The following ZNF366 variants were observed in gnomAD, a reference collection of about 807,000 sequenced individuals.
ZNF366 encodes the protein zinc finger protein 366.
ZNF366 carries 20 observed loss-of-function variants against 47.2 expected under a neutral mutation model. That is an observed-to-expected ratio of 0.42 (90% CI 0.30 to 0.62). The LOEUF (loss-of-function observed/expected upper bound fraction) is 0.62, where lower values mean the gene tolerates loss of function less well. Ranked by LOEUF, ZNF366 falls within the 20% of genes least tolerant of loss-of-function variation. The pLI is 0.16. For missense variants in ZNF366, 987 were observed against 976.3 expected, an observed-to-expected ratio of 1.01 and a Z score of -0.15; for synonymous variants, 421 against 395.1, an observed-to-expected ratio of 1.07 and a Z score of -0.78.
At chr5:72,452,101 T>C (rs868227712) in intron 3 of ZNF366, among the ~76,000 whole-genome samples, 2 of 152,204 alleles carry the variant, frequency 1.3e-5, no homozygotes, top group South Asian at 2.1e-4. Context: ...AAAAATGAGA[T>C]GCACCAGGAA....
At chr5:72,450,703 C>T (rs1214281052) in intron 3 of ZNF366, among the ~76,000 whole-genome samples, 1 of 152,184 alleles carries the variant, frequency 6.6e-6, no homozygotes, top group African/African-American at 2.4e-5. Context: ...TTAGCTTCTT[C>T]CTCTCAGCCT....
intron 1 of ZNF366, among the ~76,000 whole-genome samples, chr5:72,474,297 G>A (rs1212082120): frequency 2.6e-5 from 4 of 152,156 alleles, no homozygotes; most frequent in Non-Finnish European, 5.9e-5. Context: ...CACGGAGCTG[G>A]GGCAGCTAAG....
chr5:72,445,821 TCAGGGGAAAAACTTTTG>T (rs1742948399), intron 4 of ZNF366, among the ~76,000 whole-genome samples: 1 of 152,206 alleles, frequency 6.6e-6, no homozygotes, highest in Admixed American at 6.5e-5. Flanking sequence ...AGTGAATAAT[TCAGGGGAAAAACTTTTG>T]CAGGAAAAAT....
At chr5:72,474,328 G>A (rs997753001) in intron 1 of ZNF366, among the ~76,000 whole-genome samples, 1 of 152,192 alleles carries the variant, frequency 6.6e-6, no homozygotes, top group African/African-American at 2.4e-5. Context: ...AGTCTCCTTG[G>A]AGGGCTGTGG....
chr5:72,484,308 C>A (rs1420208769), intron 1 of ZNF366, among the ~76,000 whole-genome samples: 1 of 151,278 alleles, frequency 6.6e-6, no homozygotes, highest in Non-Finnish European at 1.5e-5. Flanking sequence ...AACGGTGAAA[C>A]CCCGTCTCTA....
chr5:72,471,696 T>C (rs959337106), intron 1 of ZNF366, among the ~76,000 whole-genome samples: 1 of 152,204 alleles, frequency 6.6e-6, no homozygotes, highest in Non-Finnish European at 1.5e-5. Context: ...GACTTAGCTA[T>C]TCAAACACTT....
At chr5:72,457,589 CTA>C (rs1743216612) in intron 2 of ZNF366, among the ~76,000 whole-genome samples, 1 of 152,198 alleles carries the variant, frequency 6.6e-6, no homozygotes, top group African/African-American at 2.4e-5. Context: ...CTCTCTCTGT[CTA>C]TGTTTCCATT....
intron 1 of ZNF366, among the ~76,000 whole-genome samples, chr5:72,495,669 G>A (rs1744098400): frequency 1.3e-5 from 2 of 152,150 alleles, no homozygotes; most frequent in African/African-American, 2.4e-5. Flanking sequence ...GAGGAATGTC[G>A]GCAGGCGAGA....
chr5:72,472,258 T>C (rs1361341800), intron 1 of ZNF366, among the ~76,000 whole-genome samples: 1 of 152,230 alleles, frequency 6.6e-6, no homozygotes, highest in Non-Finnish European at 1.5e-5. Flanking sequence ...AGAGGAATAT[T>C]GAACTGGTTG....
chr5:72,442,533 G>T lies in ZNF366; in HGVS notation c.*1223C>A, dbSNP rs1321021336. ...TAATGATTTGCTGTCAACTATTCTA[G>T]TACCCCAAATAAGTCAGAGCTTAGA... is the stretch of plus-strand genomic sequence containing the variant. On this transcript the variant is annotated 3_prime_UTR_variant, in exon 5 of 5. Coordinates refer to ENST00000318442, the MANE Select transcript of ZNF366 (RefSeq NM_152625.3). 6.6e-6 allele frequency: 1 copy of T among 151,864 alleles called. No individual in the cohort carries two copies. Among genetic ancestry groups the T allele is most frequent in the Non-Finnish European group, 1.5e-5 (1 of 68,032 alleles). The allele number at this position is 151,864 out of a possible 1,614,324, so 9.4% of individuals were successfully genotyped here.
intron 1 of ZNF366, among the ~76,000 whole-genome samples, chr5:72,503,361 A>C (rs1744252338): frequency 6.6e-6 from 1 of 152,186 alleles, no homozygotes; most frequent in South Asian, 2.1e-4. Flanking sequence ...CATGGCTCTT[A>C]AAACGAGCAT....
chr5:72,507,192 A>G (rs1744335674), intron 1 of ZNF366, 59 bp downstream of exon 1: 1 of 983,846 alleles, frequency 1.0e-6, no homozygotes, highest in African/African-American at 1.7e-5. Flanking sequence ...AGATGCCCAC[A>G]GCAGTATCCA....
intron 3 of ZNF366, 133 bp downstream of exon 3, chr5:72,456,271 C>A (rs896043979): frequency 1.7e-5 from 15 of 897,942 alleles, no homozygotes; most frequent in Non-Finnish European, 2.3e-5. Flanking sequence ...GCAGATGGGA[C>A]CTGGGGTTGG....
intron 2 of ZNF366, 81 bp downstream of exon 2, chr5:72,460,084 C>G (rs1743268420): frequency 6.6e-7 from 1 of 1,521,384 alleles, no homozygotes; most frequent in Admixed American, 2.0e-5. Flanking sequence ...GCGGCACAGG[C>G]GTCCTGCTCC....
chr5:72,492,856 GA>G (rs1744039909), intron 1 of ZNF366, among the ~76,000 whole-genome samples: 1 of 152,152 alleles, frequency 6.6e-6, no homozygotes, highest in African/African-American at 2.4e-5. Flanking sequence ...GGTTTTTAAT[GA>G]GGAATAAAGC....
Position 72,460,947 on chromosome 5 carries a change from G to C in ZNF366, c.550C>G (p.Leu184Val). The part of the protein sequence containing the change: ...YPYYPKVHPG[L>V]MFPFFVPSSS... ...GAGGGCACGAAGAAGGGGAACATGA[G>C]GCCCGGGTGGACTTTGGGGTAGTAG... The change falls in exon 2 of 5, where the codon CTC becomes GTC. Residue 184 changes from leucine to valine, a missense_variant. This residue lies in a region of ZNF366 where 591 missense variants were observed against 560.9 expected (regional missense o/e 1.05). Coordinates refer to ENST00000318442, the MANE Select transcript of ZNF366 (RefSeq NM_152625.3). The C allele has an allele frequency of 6.2e-7, 1 of 1,612,228 alleles. No homozygotes were observed. The highest frequency in any genetic ancestry group is 8.5e-7 in the Non-Finnish European group (1 of 1,178,702).
At position 72,460,148 on chromosome 5, in the gene ZNF366, C is replaced by T; in HGVS notation, c.1332+17G>A. Reference sequence around the variant, plus strand: ...CTTCCCAAGGCCCCGTCCGCCCCACCAGAGGCCCCGCAGTACCTTGTGGGT... The same window carrying T: ...CTTCCCAAGGCCCCGTCCGCCCCACTAGAGGCCCCGCAGTACCTTGTGGGT... On this transcript the variant is annotated intron_variant, in intron 2 of 4. Coordinates refer to ENST00000318442, the MANE Select transcript of ZNF366 (RefSeq NM_152625.3). 2 of 1,610,282 alleles carry T rather than the reference C, an allele frequency of 1.2e-6. No homozygotes were observed. The highest frequency in any genetic ancestry group is 1.7e-6 in the Non-Finnish European group (2 of 1,177,736).
At chr5:72,483,727 A>C (rs1481479857) in intron 1 of ZNF366, among the ~76,000 whole-genome samples, 1 of 152,182 alleles carries the variant, frequency 6.6e-6, no homozygotes, top group East Asian at 1.9e-4. Flanking sequence ...GGATGAGAGA[A>C]CAAAGTTGTG....
chr5:72,454,853 A>G (rs1439918750), intron 3 of ZNF366, among the ~76,000 whole-genome samples: 1 of 152,202 alleles, frequency 6.6e-6, no homozygotes, highest in East Asian at 1.9e-4. Flanking sequence ...GTCCCTAAAG[A>G]GAGAGAGAAG....
Sources: allele counts gnomAD v4.1 joint callset (sites outside exome capture counted in the v4.1 genomes callset), GRCh38; gene constraint gnomAD v4.1.1; regional missense constraint gnomAD v4.1.1; transcripts MANE v1.5; gene names NCBI Gene and HGNC (gene_info 2026-07-23, HGNC 2026-07-21).